The following PARM1 variants were observed in gnomAD, a reference collection of about 807,000 sequenced individuals.
PARM1 encodes the protein WSC4, cell wall integrity and stress response component 4 homolog.
PARM1 carries 14 observed loss-of-function variants against 24.6 expected under a neutral mutation model. The ratio of observed to expected loss-of-function variants is 0.57; its 90% CI spans 0.38 to 0.89. PARM1 has a LOEUF of 0.89. Among genes scored for constraint, PARM1 ranks in the 40% least tolerant of loss-of-function variants. The pLI is 0.00. For synonymous variants in PARM1, 179 were observed against 156.6 expected, an observed-to-expected ratio of 1.14 and a Z score of -1.07; for missense variants, 362 against 380.4, an observed-to-expected ratio of 0.95 and a Z score of 0.40.
chr4:74,987,955 A>G (rs1722388343), intron 1 of PARM1, among the ~76,000 whole-genome samples: 1 of 152,182 alleles, frequency 6.6e-6, no homozygotes, highest in Non-Finnish European at 1.5e-5. Flanking sequence ...TTTCACATTT[A>G]CTGTGTGTCA....
intron 2 of PARM1, among the ~76,000 whole-genome samples, chr4:75,033,283 C>T (rs1723304946): frequency 6.6e-6 from 1 of 152,140 alleles, no homozygotes; most frequent in African/African-American, 2.4e-5. Flanking sequence ...GAAAACTGAA[C>T]ATATTTCCCA....
At chr4:74,949,940 C>CT (rs948314171) in intron 1 of PARM1, among the ~76,000 whole-genome samples, 3 of 150,606 alleles carry the variant, frequency 2.0e-5, no homozygotes, top group African/African-American at 4.9e-5. Context: ...CAAAAAGATA[C>CT]TTTTTTTCCT....
chr4:74,969,893 C>T (rs891076667), intron 1 of PARM1: 3 of 152,192 alleles, frequency 2.0e-5, no homozygotes, highest in African/African-American at 7.2e-5. Flanking sequence ...ATTGATAGCG[C>T]ACTGCACTCT....
At chr4:75,046,113 G>A in intron 3 of PARM1, 50 bp from the exon 4 acceptor site, 1 of 1,273,336 alleles carries the variant, frequency 7.9e-7, no homozygotes, top group South Asian at 1.2e-5. Flanking sequence ...GCTGTCCTCA[G>A]ATGGGCAACT....
chr4:74,959,990 A>G (rs936960346), intron 1 of PARM1, among the ~76,000 whole-genome samples: 1 of 152,252 alleles, frequency 6.6e-6, no homozygotes, highest in African/African-American at 2.4e-5. Flanking sequence ...TGGTAATAGT[A>G]AATTTTGGTT....
chr4:74,973,391 A>G (rs1722076918), intron 1 of PARM1, among the ~76,000 whole-genome samples: 1 of 152,228 alleles, frequency 6.6e-6, no homozygotes, highest in Non-Finnish European at 1.5e-5. Context: ...ATCTCAGCAT[A>G]TAAAATGCTT....
intron 1 of PARM1, among the ~76,000 whole-genome samples, chr4:74,964,756 A>G (rs1176683591): frequency 2.0e-5 from 3 of 152,196 alleles, no homozygotes; most frequent in Admixed American, 2.0e-4. Context: ...CTTAGTAAAT[A>G]TCTGTTGAAT....
In PARM1 at chr4:74,986,808, G is replaced by C. The variant is rs191230291; in HGVS notation, c.44-25617G>C. Among the ~76,000 whole-genome samples, 507 of 152,252 alleles carry C rather than the reference G, an allele frequency of 3.3e-3. 6 individuals are homozygous for C. Among genetic ancestry groups the C allele is most frequent in the African/African-American group, 0.011 (472 of 41,540 alleles). ...GAAAGTTCAGACAAGTCTTAGACAA[G>C]ATCAGGAAACCTCTTGCTAAGGAAG... On this transcript the variant is annotated intron_variant, in intron 1 of 3. Coordinates refer to ENST00000307428, the MANE Select transcript of PARM1 (RefSeq NM_015393.4).
At chr4:74,935,048 T>C (rs913949130) in intron 1 of PARM1, among the ~76,000 whole-genome samples, 1 of 139,234 alleles carries the variant, frequency 7.2e-6, no homozygotes, top group Non-Finnish European at 1.5e-5. Context: ...TTAGCTCCGC[T>C]ATTCCGGGAG....
chr4:74,962,752 T>C (rs1015634388), intron 1 of PARM1, among the ~76,000 whole-genome samples: 2 of 152,058 alleles, frequency 1.3e-5, no homozygotes, highest in Non-Finnish European at 2.9e-5. Context: ...CTGCTAAGGG[T>C]TGGGAAGAGA....
chr4:74,978,645 A>G (rs367650410), intron 1 of PARM1, among the ~76,000 whole-genome samples: 64 of 152,296 alleles, frequency 4.2e-4, no homozygotes, highest in African/African-American at 1.5e-3. Context: ...CACCCCAAAA[A>G]TAATGGAATA....
intron 1 of PARM1, among the ~76,000 whole-genome samples, chr4:74,976,465 C>A (rs1341569351): frequency 2.0e-5 from 3 of 152,090 alleles, no homozygotes; most frequent in South Asian, 2.1e-4. Context: ...GGGATGGAGA[C>A]CCTGGGAGGA....
At chr4:74,953,561 T>C (rs561888289) in intron 1 of PARM1, among the ~76,000 whole-genome samples, 1 of 152,316 alleles carries the variant, frequency 6.6e-6, no homozygotes, top group South Asian at 2.1e-4. Context: ...TAAAGAGCTT[T>C]AGAAGCTTTG....
intron 1 of PARM1, among the ~76,000 whole-genome samples, chr4:74,964,143 G>A (rs1721841941): frequency 1.3e-5 from 2 of 152,196 alleles, no homozygotes; most frequent in African/African-American, 2.4e-5. Flanking sequence ...AGCAGGGATG[G>A]ATAGCTAAGG....
At position 74,949,414 on chromosome 4, in the gene PARM1, T is replaced by C. The variant is rs1220075867; in HGVS notation, c.43+16044T>C. ...GCTCACTGCAAGCTCCGCCTCCCAG[T>C]TTCACGCCATCCTCCTGCCTCCCAA... On this transcript the variant is annotated intron_variant, in intron 1 of 3. Coordinates refer to ENST00000307428, the MANE Select transcript of PARM1 (RefSeq NM_015393.4). 3.3e-5 allele frequency among the ~76,000 whole-genome samples: 5 copies of C among 152,078 alleles called. No individual in the cohort carries two copies. In the East Asian group the frequency reaches 9.7e-4, roughly 29 times the overall value.
intron 1 of PARM1, among the ~76,000 whole-genome samples, chr4:74,988,598 T>C (rs1428326300): frequency 1.3e-5 from 2 of 152,158 alleles, no homozygotes; most frequent in Non-Finnish European, 2.9e-5. Flanking sequence ...ATAAAAGTGT[T>C]ATTGGACAAG....
At chr4:74,957,688 A>G (rs1721666475) in intron 1 of PARM1, among the ~76,000 whole-genome samples, 1 of 152,124 alleles carries the variant, frequency 6.6e-6, no homozygotes, top group African/African-American at 2.4e-5. Flanking sequence ...TCATTTGTCT[A>G]GAGTAGAGAG....
chr4:74,987,526 TA>T (rs1722379883), intron 1 of PARM1, among the ~76,000 whole-genome samples: 1 of 152,230 alleles, frequency 6.6e-6, no homozygotes, highest in African/African-American at 2.4e-5. Flanking sequence ...AAATTATTTG[TA>T]AAAACTTCTT....
chr4:74,998,836 G>C (rs1722622570), intron 1 of PARM1, among the ~76,000 whole-genome samples: 1 of 152,156 alleles, frequency 6.6e-6, no homozygotes, highest in African/African-American at 2.4e-5. Context: ...GCCTATCTTT[G>C]ACAATATATC....
Sources: gnomAD v4.1 joint callset for allele counts (sites outside exome capture counted in the v4.1 genomes callset) on GRCh38, gnomAD v4.1.1 for gene constraint, MANE v1.5 for transcripts, NCBI Gene and HGNC (gene_info 2026-07-23, HGNC 2026-07-21) for gene names.